Variants in CCDC57 observed in about 807,000 individuals in gnomAD.
CCDC57 encodes the protein coiled-coil domain-containing protein 57.
A neutral mutation model predicts 118.9 loss-of-function variants in CCDC57; 118 were observed. The ratio of observed to expected loss-of-function variants is 0.99; its 90% CI spans 0.86 to 1.16. CCDC57 has a LOEUF of 1.16. Ranked by LOEUF, CCDC57 falls within the 50% of genes most tolerant of loss-of-function variation. The pLI, the probability that CCDC57 is intolerant of heterozygous loss-of-function variation, is 0.00. For synonymous variants in CCDC57, 527 were observed against 532.9 expected, an observed-to-expected ratio of 0.99 and a Z score of 0.15; for missense variants, 1,300 against 1,320.7, an observed-to-expected ratio of 0.98 and a Z score of 0.24.
intron 15 of CCDC57, chr17:82,155,150 T>A (rs2042532391): frequency 6.6e-6 from 1 of 152,288 alleles, no homozygotes; most frequent in South Asian, 2.1e-4. Flanking sequence ...TCGGGTCAGC[T>A]GGGGTCAAAC....
chr17:82,147,612 G>A (rs57002743), intron 16 of CCDC57, among the ~76,000 whole-genome samples: 50,418 of 121,386 alleles, frequency 0.42, 11,690 homozygotes, highest in East Asian at 0.87. Context: ...TGGATAGATG[G>A]ATGGATGATT....
intron 3 of CCDC57, among the ~76,000 whole-genome samples, 167 bp from the exon 3 acceptor site, chr17:82,198,589 A>G (rs561608666): frequency 1.3e-5 from 2 of 152,120 alleles, no homozygotes; most frequent in African/African-American, 4.8e-5. Flanking sequence ...CTGGACCAGC[A>G]TGCTACACCC....
intron 19 of CCDC57, chr17:82,107,359 C>T (rs2034925551): frequency 2.3e-6 from 1 of 443,556 alleles, no homozygotes; most frequent in Non-Finnish European, 4.6e-6. Flanking sequence ...GGGTGGGGCA[C>T]AGATGCCGCG....
chr17:82,122,761 T>C (rs1301459776), intron 19 of CCDC57, among the ~76,000 whole-genome samples: 1 of 152,196 alleles, frequency 6.6e-6, no homozygotes, highest in Non-Finnish European at 1.5e-5. Context: ...ACCGAGCCCC[T>C]TCCCCTGCCT....
chr17:82,201,967 A>C lies in CCDC57; in HGVS notation c.-8-15T>G. On this transcript the variant is annotated splice_polypyrimidine_tract_variant and intron_variant, in intron 2 of 19. Coordinates refer to ENST00000665763, the Ensembl canonical transcript of CCDC57. ...CATGGTGGCCGCTGCAGTAAAGAGA[A>C]ATCAGGTTCAGGGTGCACCGTGAGG... The C allele has an allele frequency of 6.4e-7, 1 of 1,566,790 alleles. No homozygotes were observed. The highest frequency in any genetic ancestry group is 1.2e-5 in the South Asian group (1 of 86,728).
At chr17:82,127,097 A>G in intron 19 of CCDC57, 2 of 985,458 alleles carry the variant, frequency 2.0e-6, no homozygotes, top group Non-Finnish European at 1.2e-6. Context: ...GACCAGTAGC[A>G]GGAGCTGGCA....
intron 8 of CCDC57, among the ~76,000 whole-genome samples, chr17:82,185,946 G>GTCTT (rs1226467118): frequency 6.6e-6 from 1 of 152,124 alleles, no homozygotes; most frequent in Non-Finnish European, 1.5e-5. Context: ...TAGAGACAGA[G>GTCTT]TCTTGCTCTG....
At chr17:82,107,192 C>A (rs749871262) in intron 19 of CCDC57, among the ~76,000 whole-genome samples, 1 of 152,246 alleles carries the variant, frequency 6.6e-6, no homozygotes, top group Admixed American at 6.5e-5. Flanking sequence ...TCCCTCTTCT[C>A]CCCTGGAGAC....
intron 13 of CCDC57, among the ~76,000 whole-genome samples, chr17:82,171,197 G>A (rs914177877): frequency 1.4e-5 from 2 of 144,446 alleles, no homozygotes; most frequent in African/African-American, 5.2e-5. Flanking sequence ...ACCAAAACAG[G>A]GAGCGCTGAC....
intron 9 of CCDC57, 149 bp downstream of exon 8, chr17:82,183,625 G>C (rs2046474074): frequency 1.3e-6 from 1 of 781,138 alleles, no homozygotes; most frequent in Admixed American, 3.0e-5. Context: ...TGCGTGACCA[G>C]ACATTCTATC....
chr17:82,156,290 C>CA (rs35618937), intron 15 of CCDC57: 91 of 144,060 alleles, frequency 6.3e-4, no homozygotes, highest in Non-Finnish European at 8.3e-4. Context: ...GACTCTGTCT[C>CA]AAAAAAAAAA....
At chr17:82,159,423 C>G (rs1051389523) in intron 14 of CCDC57, among the ~76,000 whole-genome samples, 1 of 152,314 alleles carries the variant, frequency 6.6e-6, no homozygotes, top group African/African-American at 2.4e-5. Context: ...TCAACTCCCT[C>G]GACTGGAGCC....
rs887728171 is a variant in CCDC57, at chr17:82,172,223, C to T, written c.1730-370G>A. Among the ~76,000 whole-genome samples, 3 of 152,238 alleles carry T rather than the reference C, an allele frequency of 2.0e-5. No homozygotes were observed. Among genetic ancestry groups the T allele is most frequent in the Non-Finnish European group, 4.4e-5 (3 of 68,044 alleles). On this transcript the variant is annotated intron_variant, in intron 12 of 19. Coordinates refer to ENST00000665763, the Ensembl canonical transcript of CCDC57. This position sits in a 1 kb window ranked among gnomAD's most constrained non-coding sequence, Gnocchi z 5.2. Reference sequence around the variant, plus strand: ...CTCCATCCCGGCATCTGCCCACCCACAGCCACTCATGGGGTCCCTGGGGGT... The same window carrying T: ...CTCCATCCCGGCATCTGCCCACCCATAGCCACTCATGGGGTCCCTGGGGGT...
chr17:82,152,276 C>T (rs2042152047), intron 15 of CCDC57: 1 of 160,240 alleles, frequency 6.2e-6, no homozygotes, highest in Non-Finnish European at 1.4e-5. Context: ...GCCAGCGTGG[C>T]TTGGCCCTCC....
chr17:82,148,932 ATGGGTGGGTGGG>A (rs753051010), intron 16 of CCDC57, among the ~76,000 whole-genome samples: 2 of 54,512 alleles, frequency 3.7e-5, no homozygotes, highest in Non-Finnish European at 6.3e-5. Flanking sequence ...GGGTGGATGG[ATGGGTGGGTGGG>A]TGGATGGTAG....
At chr17:82,160,639 C>T (rs1354875587) in intron 14 of CCDC57, among the ~76,000 whole-genome samples, 1 of 152,038 alleles carries the variant, frequency 6.6e-6, no homozygotes, top group Non-Finnish European at 1.5e-5. Flanking sequence ...CTTTGGGAGG[C>T]AGAGGTGGGA....
intron 2 of CCDC57, among the ~76,000 whole-genome samples, chr17:82,202,360 C>T (rs1008323835): frequency 2.6e-5 from 4 of 151,266 alleles, no homozygotes; most frequent in Non-Finnish European, 5.9e-5. Context: ...CCCAGCTACT[C>T]GGGAGGCTGA....
rs545260592 is a variant in CCDC57 at position 82,211,697 on chromosome 17, G to A, written c.-211+1088C>T. Among the ~76,000 whole-genome samples the A allele has an allele frequency of 8.5e-5, 13 of 152,096 alleles. No homozygotes were observed. In the South Asian group the frequency reaches 1.9e-3, roughly 22 times the overall value. On this transcript the variant is annotated intron_variant, in intron 1 of 19. Coordinates refer to ENST00000665763, the Ensembl canonical transcript of CCDC57. ...TGACTCTCTCTTAGCTGAGAGGGCC[G>A]GACAGACACCATTTTGGTTTCTTCG...
Position 82,179,037 on chromosome 17 carries a change from G to A in CCDC57, c.1364C>T (p.Ala455Val), listed in dbSNP as rs553400740. 4 of 1,613,344 alleles carry A rather than the reference G, an allele frequency of 2.5e-6. No homozygotes were observed. The East Asian group carries it at 8.9e-5, about 36-fold the overall frequency. The stretch of plus-strand genomic sequence containing the variant: ...GGTGGCCGCACACACCTGACTTTTT[G>A]CCATGCTCAGACCCTGAATCAGGGC... The change falls in exon 10 of 20, where the codon GCA becomes GTA. Residue 455 changes from alanine to valine, a missense_variant. Transcript: ENST00000665763.
Sources: gnomAD v4.1 joint callset for allele counts (sites outside exome capture counted in the v4.1 genomes callset) on GRCh38, gnomAD v4.1.1 for gene constraint, Gnocchi (gnomAD v3.1) non-coding constraint, MANE v1.5 for transcripts, NCBI Gene and HGNC (gene_info 2026-07-23, HGNC 2026-07-21) for gene names.